The following ANK3 variants were observed in gnomAD, a reference collection of about 807,000 sequenced individuals.
ANK3 encodes the protein ankyrin 3, also known as ankyrin-3.
A neutral mutation model predicts 370.9 loss-of-function variants in ANK3; 57 were observed. That is an observed-to-expected ratio of 0.15 (90% CI 0.12 to 0.19). The LOEUF (loss-of-function observed/expected upper bound fraction) is 0.19, where lower values mean the gene tolerates loss of function less well. Ranked by LOEUF, ANK3 falls within the 10% of genes least tolerant of loss-of-function variation. ANK3 has a pLI of 1.00. For missense variants in ANK3, 4,439 were observed against 5,302.1 expected (o/e 0.84, Z 5.06); for synonymous variants, 1,929 against 1,946.3 (o/e 0.99, Z 0.23).
intron 24 of ANK3, among the ~76,000 whole-genome samples, chr10:60,135,070 C>T (rs1242487717): frequency 2.0e-5 from 3 of 152,196 alleles, no homozygotes; most frequent in Admixed American, 6.5e-5. Flanking sequence ...GATGCAGGTA[C>T]CCTGATGCCC....
intron 1 of ANK3, among the ~76,000 whole-genome samples, chr10:60,716,183 A>T (rs2079784979): frequency 7.4e-6 from 1 of 135,250 alleles, no homozygotes; most frequent in South Asian, 2.8e-4. Flanking sequence ...AAAATCCAAG[A>T]AAGTTAAAAA....
intron 23 of ANK3, among the ~76,000 whole-genome samples, chr10:60,157,106 C>T (rs1178831300): frequency 2.0e-5 from 3 of 148,494 alleles, no homozygotes; most frequent in Admixed American, 1.4e-4. Flanking sequence ...GGCATGATCT[C>T]GGCTCACTGC....
intron 2 of ANK3, among the ~76,000 whole-genome samples, chr10:60,472,451 A>T (rs2065242032): frequency 6.6e-6 from 1 of 152,208 alleles, no homozygotes; most frequent in Non-Finnish European, 1.5e-5. Flanking sequence ...GGGCATCTTA[A>T]TGTGTTCGGA....
At chr10:60,668,012 C>T (rs1037635713) in intron 1 of ANK3, among the ~76,000 whole-genome samples, 3 of 151,486 alleles carry the variant, frequency 2.0e-5, no homozygotes, top group African/African-American at 7.4e-5. Flanking sequence ...TTAAAAAATC[C>T]ACTTCTAGCA....
intron 2 of ANK3, among the ~76,000 whole-genome samples, chr10:60,532,947 A>C (rs754196251): frequency 2.0e-5 from 3 of 152,006 alleles, no homozygotes; most frequent in Non-Finnish European, 1.5e-5. Context: ...GGAGGATGTA[A>C]GAAAGCCTGC....
intron 25 of ANK3, among the ~76,000 whole-genome samples, chr10:60,114,538 A>C (rs182023564): frequency 4.9e-4 from 75 of 152,346 alleles, no homozygotes; most frequent in Non-Finnish European, 9.3e-4. Flanking sequence ...TTTTATTTCA[A>C]TCTTTTAAGA....
At chr10:60,542,847 T>A (rs2076880326) in intron 2 of ANK3, among the ~76,000 whole-genome samples, 1 of 151,890 alleles carries the variant, frequency 6.6e-6, no homozygotes, top group African/African-American at 2.4e-5. Context: ...CATTACGTTT[T>A]CTTTTACTTA....
chr10:60,299,234 C>T (rs928369517), intron 1 of ANK3, among the ~76,000 whole-genome samples: 4 of 152,002 alleles, frequency 2.6e-5, no homozygotes, highest in Non-Finnish European at 5.9e-5. Context: ...ATAAAGGTCA[C>T]GAAAGGTTAA....
At chr10:60,400,895 TG>T (rs1174680173) in intron 2 of ANK3, among the ~76,000 whole-genome samples, 6 of 152,104 alleles carry the variant, frequency 3.9e-5, no homozygotes, top group Non-Finnish European at 7.4e-5. Flanking sequence ...CCCCAGTGTG[TG>T]AAGTGACTCT....
intron 2 of ANK3, among the ~76,000 whole-genome samples, chr10:60,532,226 C>T (rs2076621522): frequency 1.3e-5 from 2 of 152,280 alleles, no homozygotes; most frequent in South Asian, 2.1e-4. Context: ...TTACTTCTCA[C>T]AATCAGGCCT....
chr10:60,330,543 GA>G (rs1437050542), intron 1 of ANK3, among the ~76,000 whole-genome samples: 8 of 152,182 alleles, frequency 5.3e-5, no homozygotes, highest in Non-Finnish European at 1.0e-4. Context: ...CTGGTCGTTA[GA>G]AAAATGCAAA....
chr10:60,631,800 A>AT (rs1417410318), intron 1 of ANK3, among the ~76,000 whole-genome samples: 1 of 152,192 alleles, frequency 6.6e-6, no homozygotes, highest in Non-Finnish European at 1.5e-5. Flanking sequence ...GAAAATAAAA[A>AT]TTACCTCTAA....
chr10:60,549,503 G>C lies in ANK3; in HGVS notation c.96+65683C>G, dbSNP rs147182580. Among the ~76,000 whole-genome samples, 329 of 152,188 alleles carry C rather than the reference G, an allele frequency of 2.2e-3. 2 individuals carry two copies. The highest frequency in any genetic ancestry group is 7.5e-3 in the African/African-American group (313 of 41,544). ...CCCCTTACTTCTACCTCTGGGAAAA[G>C]GCCTAGTACTTATTTCTAAGGTACA... is the stretch of plus-strand genomic sequence containing the variant. On this transcript the variant is annotated intron_variant, in intron 2 of 43. Transcript: ENST00000373827.
intron 7 of ANK3, among the ~76,000 whole-genome samples, chr10:60,255,892 C>A (rs1241743527): frequency 1.3e-5 from 2 of 152,120 alleles, no homozygotes; most frequent in Non-Finnish European, 2.9e-5. Context: ...TCCTTCCTCA[C>A]TGGGGCCCAG....
At chr10:60,581,016 T>C (rs1257195195) in intron 2 of ANK3, among the ~76,000 whole-genome samples, 2 of 152,332 alleles carry the variant, frequency 1.3e-5, no homozygotes, top group Non-Finnish European at 1.5e-5. Context: ...TTAATAAACA[T>C]GCATAGCCTG....
rs550269677 is a variant in ANK3 at position 60,202,210 on chromosome 10, C to T, written c.1392+792G>A. Among the ~76,000 whole-genome samples the T allele has an allele frequency of 2.6e-4, 39 of 152,164 alleles. 1 individual carries two copies. Among genetic ancestry groups the T allele is most frequent in the African/African-American group, 8.4e-4 (35 of 41,502 alleles). ...AATCTCAGCTCACCGCAACCTCCGC[C>T]TCCCAGGTTCAGGCAATTCTCCTGC... On this transcript the variant is annotated intron_variant, in intron 12 of 43. Transcript: ENST00000280772.
chr10:60,068,516 C>A, intron 37 of ANK3, 121 bp downstream of exon 37: 1 of 1,076,326 alleles, frequency 9.3e-7, no homozygotes. Flanking sequence ...TTAAGTCACT[C>A]CACAGGCAAT....
At chr10:60,561,986 T>A (rs1415484146) in intron 2 of ANK3, among the ~76,000 whole-genome samples, 1 of 152,246 alleles carries the variant, frequency 6.6e-6, no homozygotes, top group African/African-American at 2.4e-5. Context: ...TTGTCTGCCA[T>A]GTTCACTCAT....
At chr10:60,356,556 A>G (rs1293282857) in intron 1 of ANK3, among the ~76,000 whole-genome samples, 5 of 152,168 alleles carry the variant, frequency 3.3e-5, no homozygotes, top group Non-Finnish European at 1.5e-5. Context: ...AGGTTAGAAC[A>G]CTTGCACATT....
Sources: allele counts gnomAD v4.1 joint callset (sites outside exome capture counted in the v4.1 genomes callset), GRCh38; gene constraint gnomAD v4.1.1; transcripts MANE v1.5; gene names NCBI Gene and HGNC (gene_info 2026-07-23, HGNC 2026-07-21).